ADGRV1: variants seen among roughly 807,000 people sequenced by gnomAD.
ADGRV1 encodes the protein adhesion G protein-coupled receptor V1, also known as G-protein coupled receptor 98.
Under a neutral mutation model 596.2 loss-of-function variants are expected in ADGRV1, and 359 were observed. The ratio of observed to expected loss-of-function variants is 0.60; its 90% CI spans 0.55 to 0.66. The LOEUF is 0.66. ADGRV1 is among the 30% of genes least tolerant of loss of function. The probability of loss-of-function intolerance (pLI) is 0.00; values close to 1 mark genes in which losing one functional copy is unlikely to be tolerated. For synonymous variants in ADGRV1, 2,681 were observed against 2,679.2 expected (o/e 1.00, Z -0.02); for missense variants, 7,274 against 7,575.6 (o/e 0.96, Z 1.48).
At chr5:90,840,334 GCTTC>G (rs1765322222) in intron 77 of ADGRV1, among the ~76,000 whole-genome samples, 1 of 152,138 alleles carries the variant, frequency 6.6e-6, no homozygotes, top group African/African-American at 2.4e-5. Flanking sequence ...GGTCTAATTT[GCTTC>G]CTTGGTCCAT....
intron 83 of ADGRV1, among the ~76,000 whole-genome samples, chr5:90,925,061 A>G (rs895438202): frequency 2.6e-5 from 4 of 151,950 alleles, no homozygotes; most frequent in African/African-American, 9.7e-5. Context: ...GAAGTCAGGT[A>G]GTGTGATGCC....
At chr5:90,916,626 C>T (rs1007150253) in intron 83 of ADGRV1, among the ~76,000 whole-genome samples, 21 of 122,396 alleles carry the variant, frequency 1.7e-4, no homozygotes, top group African/African-American at 5.7e-4. Context: ...CTTCAGCGTT[C>T]ACAAATTTTT....
intron 87 of ADGRV1, among the ~76,000 whole-genome samples, chr5:91,133,680 G>A (rs914262686): frequency 9.2e-5 from 14 of 152,154 alleles, no homozygotes; most frequent in Admixed American, 2.6e-4. Flanking sequence ...ATACATAAAC[G>A]CAATGAGATA....
intron 1 of ADGRV1, among the ~76,000 whole-genome samples, chr5:90,595,783 G>T (rs1408137436): frequency 6.9e-6 from 1 of 144,376 alleles, no homozygotes; most frequent in Admixed American, 6.7e-5. Flanking sequence ...CTGGCCGGGC[G>T]GGAGGCTGAC....
chr5:90,833,592 CA>C (rs1354512449), intron 77 of ADGRV1, among the ~76,000 whole-genome samples: 1 of 152,108 alleles, frequency 6.6e-6, no homozygotes, highest in Non-Finnish European at 1.5e-5. Flanking sequence ...GCCAGTTTTA[CA>C]GTTTTCATTG....
intron 50 of ADGRV1, among the ~76,000 whole-genome samples, chr5:90,730,021 A>G (rs532823077): frequency 6.6e-6 from 1 of 152,182 alleles, no homozygotes; most frequent in Non-Finnish European, 1.5e-5. Flanking sequence ...GTCCGCCACC[A>G]TGTCTGGCTA....
chr5:90,985,335 C>A lies in ADGRV1; in HGVS notation c.17974-9C>A. 1 of 1,585,978 alleles carries A rather than the reference C, an allele frequency of 6.3e-7. No individual in the cohort carries two copies. Among genetic ancestry groups the A allele is most frequent in the Non-Finnish European group, 8.6e-7 (1 of 1,164,134 alleles). On this transcript the variant is annotated splice_polypyrimidine_tract_variant and intron_variant, in intron 84 of 89. Transcript: ENST00000405460. The stretch of plus-strand genomic sequence containing the variant: ...GAGCCTGTTCATTTTATGTTGTTTT[C>A]TTCCTTAGTCTGTGAATTTCTGGTA...
intron 34 of ADGRV1, among the ~76,000 whole-genome samples, chr5:90,702,132 C>G: frequency 7.0e-6 from 1 of 142,772 alleles, no homozygotes. Flanking sequence ...CAAACTTGCT[C>G]TATAAGAAAT....
chr5:90,803,675 T>C (rs1761621235), intron 71 of ADGRV1, among the ~76,000 whole-genome samples: 1 of 151,352 alleles, frequency 6.6e-6, no homozygotes, highest in Non-Finnish European at 1.5e-5. Context: ...ATGAATGTGC[T>C]TTTTCTCTTA....
chr5:90,810,852 A>C lies in ADGRV1; in HGVS notation c.15592A>C (p.Thr5198Pro). The C allele has an allele frequency of 6.2e-7, 1 of 1,613,994 alleles. No homozygotes were observed. The highest frequency in any genetic ancestry group is 8.5e-7 in the Non-Finnish European group (1 of 1,179,884). ...IPEKLVTLHGTPAVSEKPDVA... is the reference protein window; with the variant it reads ...IPEKLVTLHGPPAVSEKPDVA... ...TGAGAAACTTGTCACCCTTCATGGCACACCTGCTGTGTCTGAAAAGCCTGA... is the reference window on the plus strand; with the variant it reads ...TGAGAAACTTGTCACCCTTCATGGCCCACCTGCTGTGTCTGAAAAGCCTGA... Residue 5198 changes from threonine (T) to proline (P), a missense_variant, in exon 74 of 90, where the codon ACA becomes CCA. Thr to Pro is a conservative substitution (Grantham distance 38). This residue lies in a region of ADGRV1 where 1,874 missense variants were observed against 1,970.2 expected (regional missense o/e 0.95). Transcript: ENST00000405460.
chr5:91,083,345 A>G (rs1283701973), intron 86 of ADGRV1, among the ~76,000 whole-genome samples: 1 of 152,140 alleles, frequency 6.6e-6, no homozygotes, highest in Non-Finnish European at 1.5e-5. Context: ...TACATATGTA[A>G]CAAACCTGCA....
chr5:90,818,738 A>G (rs934017890), intron 75 of ADGRV1, among the ~76,000 whole-genome samples: 2 of 151,028 alleles, frequency 1.3e-5, no homozygotes, highest in Non-Finnish European at 2.9e-5. Flanking sequence ...CGTATATTGA[A>G]CCAGCCTTGC....
chr5:90,774,096 A>G (rs1452374868), intron 59 of ADGRV1, 90 bp from the exon 60 acceptor site: 1 of 541,848 alleles, frequency 1.8e-6, no homozygotes, highest in Non-Finnish European at 3.2e-6. Context: ...AAAAATGATT[A>G]TGGACATAAA....
chr5:90,628,402 A>T (rs549622750), intron 7 of ADGRV1, among the ~76,000 whole-genome samples, 160 bp from the exon 8 acceptor site: 1 of 152,208 alleles, frequency 6.6e-6, no homozygotes, highest in South Asian at 2.1e-4. Context: ...ACAGAGTGTG[A>T]CCCAGTCTCA....
intron 17 of ADGRV1, among the ~76,000 whole-genome samples, chr5:90,650,874 G>A (rs1299122649): frequency 6.6e-6 from 1 of 152,190 alleles, no homozygotes; most frequent in African/African-American, 2.4e-5. Context: ...CTTGAGCTGG[G>A]TTCTCAGGAA....
At chr5:91,037,587 C>T (rs137855265) in intron 85 of ADGRV1, among the ~76,000 whole-genome samples, 1,907 of 152,208 alleles carry the variant, frequency 0.013, 21 homozygotes, top group Middle Eastern at 0.02. Context: ...TGTTTGCCTT[C>T]AAGGAGCTAA....
Position 90,676,293 on chromosome 5 carries a change from C to G in ADGRV1, c.5443+84C>G, listed in dbSNP as rs1744209614. 5 of 1,263,954 alleles carry G rather than the reference C, an allele frequency of 4.0e-6. No homozygotes were observed. In the South Asian group the frequency reaches 7.4e-5, roughly 19 times the overall value. The allele number at this position is 1,263,954 out of a possible 1,614,324, so 78.3% of individuals were successfully genotyped here. Reference sequence around the variant, plus strand: ...TAGATTCCTTTAGGGAAGTAAGTTCCTTTGAATTAATCTTACTTAAATAAA... The same window carrying G: ...TAGATTCCTTTAGGGAAGTAAGTTCGTTTGAATTAATCTTACTTAAATAAA... On this transcript the variant is annotated intron_variant, in intron 25 of 89. Transcript: ENST00000405460.
chr5:90,629,240 G>A lies in ADGRV1; in HGVS notation c.1540G>A (p.Val514Ile). 4 of 1,608,660 alleles carry A rather than the reference G, an allele frequency of 2.5e-6. No individual in the cohort carries two copies. Among genetic ancestry groups the A allele is most frequent in the Non-Finnish European group, 3.4e-6 (4 of 1,177,328 alleles). Residue 514 changes from valine to isoleucine, a missense_variant, in exon 9 of 90, where the codon GTC becomes ATC. Val to Ile is a conservative substitution (Grantham distance 29, BLOSUM62 3). Around this residue, in one of 5 missense-constraint regions of ADGRV1, gnomAD observed 1,715 missense variants for 1,708.8 expected, o/e 1.00. Coordinates refer to ENST00000405460, the MANE Select transcript of ADGRV1 (RefSeq NM_032119.4). ...LLFYIQDSDD[V>I]YGLITFFPME... ...GTTCTACATTCAGGATAGTGATGAT[G>A]TCTATGGCCTAATAACATTTTTTCC...
chr5:90,797,046 T>C lies in ADGRV1; in HGVS notation c.14518-5693T>C, dbSNP rs1182105142. On this transcript the variant is annotated intron_variant, in intron 70 of 89. Transcript: ENST00000405460. ...CAAATTATAAAGACCATCGACACTATGAAGAAGCTGCACCAACTAATGGGC... is the reference window on the plus strand; with the variant it reads ...CAAATTATAAAGACCATCGACACTACGAAGAAGCTGCACCAACTAATGGGC... 2.6e-5 allele frequency among the ~76,000 whole-genome samples: 4 copies of C among 151,672 alleles called. No homozygotes were observed. In the South Asian group the frequency reaches 6.2e-4, roughly 24 times the overall value.
Sources: gnomAD v4.1 joint callset for allele counts (sites outside exome capture counted in the v4.1 genomes callset) on GRCh38, gnomAD v4.1.1 for gene constraint, gnomAD v4.1.1 regional missense constraint, MANE v1.5 for transcripts, NCBI Gene and HGNC (gene_info 2026-07-23, HGNC 2026-07-21) for gene names.